The following GATA6 variants were observed in gnomAD, a reference collection of about 807,000 sequenced individuals.
GATA6 encodes transcription factor GATA-6.
A neutral mutation model predicts 48.1 loss-of-function variants in GATA6; 11 were observed. The ratio of observed to expected loss-of-function variants is 0.23; its 90% CI spans 0.14 to 0.38. The LOEUF is 0.38. GATA6 is among the 10% of genes least tolerant of loss of function. The probability of loss-of-function intolerance (pLI) is 1.00; values close to 1 mark genes in which losing one functional copy is unlikely to be tolerated. For synonymous variants in GATA6, 419 were observed against 396.1 expected (o/e 1.06, Z -0.69); for missense variants, 795 against 850.3 (o/e 0.93, Z 0.81).
At chr18:22,192,670 A>G (rs1442296912) in intron 6 of GATA6, among the ~76,000 whole-genome samples, 3 of 152,206 alleles carry the variant, frequency 2.0e-5, no homozygotes, top group African/African-American at 7.2e-5. Context: ...ATAATTCACC[A>G]GGTTTTAAAT....
Position 22,171,330 on chromosome 18 carries a change from G to C in GATA6, c.186G>C (p.Thr62=). 1.9e-6 allele frequency: 3 copies of C among 1,586,686 alleles called. No individual in the cohort carries two copies. Among genetic ancestry groups the C allele is most frequent in the Non-Finnish European group, 2.6e-6 (3 of 1,173,460 alleles). The change falls in exon 2 of 7, where the codon ACG becomes ACC. Residue 62 remains threonine (T), a synonymous_variant. Coordinates refer to ENST00000269216, the MANE Select transcript of GATA6 (RefSeq NM_005257.6). This position sits in a 1 kb window ranked among gnomAD's most constrained non-coding sequence, Gnocchi z 7.1. ...RGPGGASNCG[T]PQLDTEAAAG... is the part of the protein sequence containing the mutation. Reference sequence around the variant, plus strand: ...CCGGCGGCGCCAGCAACTGCGGGACGCCTCAGCTCGACACGGAGGCGGCGG... The same window carrying C: ...CCGGCGGCGCCAGCAACTGCGGGACCCCTCAGCTCGACACGGAGGCGGCGG...
At chr18:22,176,740 C>G in intron 2 of GATA6, 2 of 547,154 alleles carry the variant, frequency 3.7e-6, no homozygotes, top group Non-Finnish European at 6.3e-6. Flanking sequence ...CTGGGGCGCT[C>G]CGGGTGTGCA....
Position 22,172,117 on chromosome 18 carries a change from C to T in GATA6, c.973C>T (p.His325Tyr). 6.7e-7 allele frequency: 1 copy of T among 1,490,172 alleles called. No homozygotes were observed. The highest frequency in any genetic ancestry group is 1.3e-5 in the South Asian group (1 of 78,076). The allele number at this position is 1,490,172 out of a possible 1,614,324, so 92.3% of individuals were successfully genotyped here. A position where few individuals can be genotyped will look rare whatever the true frequency, so the allele number is the denominator to read the frequency against. Residue 325 changes from histidine (H) to tyrosine (Y), a missense_variant, in exon 2 of 7, where the codon CAC becomes TAC. By Grantham distance (83) the His-to-Tyr change is moderately conservative. Around this residue, in one of 5 missense-constraint regions of GATA6, gnomAD observed 591 missense variants for 570.0 expected, o/e 1.04. Transcript: ENST00000269216. The surrounding 1 kb of genome is among the most constrained non-coding windows in gnomAD (Gnocchi z 5.2). Reference protein sequence around the residue: ...AARPLNGTYHHHHHHHHHHPS... With the variant: ...AARPLNGTYHYHHHHHHHHPS... The stretch of plus-strand genomic sequence containing the variant: ...GCGGCCGCTGAACGGGACGTACCAC[C>T]ACCACCACCACCACCACCACCACCA...
At chr18:22,193,866 G>A (rs1390199859) in intron 6 of GATA6, among the ~76,000 whole-genome samples, 1 of 152,084 alleles carries the variant, frequency 6.6e-6, no homozygotes, top group Non-Finnish European at 1.5e-5. Flanking sequence ...TTTTTCTTTG[G>A]AAAAGGCTAC....
chr18:22,176,680 G>A, intron 2 of GATA6: 1 of 389,048 alleles, frequency 2.6e-6, no homozygotes, highest in South Asian at 2.9e-5. Flanking sequence ...CGCTCATCTC[G>A]GACTCTGACG....
chr18:22,178,340 C>A (rs1024669140), intron 3 of GATA6, among the ~76,000 whole-genome samples: 1 of 152,030 alleles, frequency 6.6e-6, no homozygotes, highest in African/African-American at 2.4e-5. Flanking sequence ...GCTTCCTAGC[C>A]GGAGAGAGTA....
chr18:22,198,341 G>T (rs2033417594), intron 6 of GATA6, among the ~76,000 whole-genome samples: 1 of 152,162 alleles, frequency 6.6e-6, no homozygotes, highest in African/African-American at 2.4e-5. Flanking sequence ...AAAGTGTTGG[G>T]ATTAAAGGCA....
chr18:22,202,159 T>C lies in GATA6; in HGVS notation c.*1336T>C, dbSNP rs1349811646. On this transcript the variant is annotated 3_prime_UTR_variant, in exon 7 of 7. Coordinates refer to ENST00000269216, the MANE Select transcript of GATA6 (RefSeq NM_005257.6). The stretch of plus-strand genomic sequence containing the variant: ...CCTTGGCTTATTTGAAGTTGACACA[T>C]GGGGTTAGTTACTACTCTCCATGTG... The C allele has an allele frequency of 3.3e-5, 5 of 152,076 alleles. No individual in the cohort carries two copies. The highest frequency in any genetic ancestry group is 1.2e-4 in the African/African-American group (5 of 41,434). 9.4% of individuals were successfully genotyped at this position (152,076 alleles called of 1,614,324 possible). A position where few individuals can be genotyped will look rare whatever the true frequency, so the allele number is the denominator to read the frequency against.
chr18:22,191,072 T>A (rs943511122), intron 6 of GATA6, among the ~76,000 whole-genome samples: 16 of 133,438 alleles, frequency 1.2e-4, no homozygotes, highest in Admixed American at 2.3e-4. Flanking sequence ...TGTGTGTGTG[T>A]GACAGGGAGG....
chr18:22,172,063 G>C lies in GATA6; in HGVS notation c.919G>C (p.Glu307Gln). The C allele has an allele frequency of 1.6e-6, 2 of 1,277,326 alleles. No homozygotes were observed. Among genetic ancestry groups the C allele is most frequent in the Non-Finnish European group, 2.0e-6 (2 of 1,015,144 alleles). The allele number at this position is 1,277,326 out of a possible 1,614,324, so 79.1% of individuals were successfully genotyped here. Residue 307 changes from glutamate (E) to glutamine (Q), a missense_variant, in exon 2 of 7, where the codon GAG becomes CAG. Glu to Gln is a conservative substitution (Grantham distance 29, BLOSUM62 2). This residue lies in a region of GATA6 where 591 missense variants were observed against 570.0 expected (regional missense o/e 1.04). Coordinates refer to ENST00000269216, the MANE Select transcript of GATA6 (RefSeq NM_005257.6). This position sits in a 1 kb window ranked among gnomAD's most constrained non-coding sequence, Gnocchi z 5.2. ...GSSLAAMGGR[E>Q]PQYSSLSAAR... is the part of the protein sequence containing the mutation. ...TAGCCTGGCGGCCATGGGCGGCCGC[G>C]AGCCCCAGTACAGCTCGCTGTCGGC...
At chr18:22,187,887 A>G (rs2033282938) in intron 6 of GATA6, among the ~76,000 whole-genome samples, 1 of 152,188 alleles carries the variant, frequency 6.6e-6, no homozygotes. Context: ...ATGTCTGAGA[A>G]CAAGGAGTCA....
intron 4 of GATA6, 64 bp from the exon 5 acceptor site, chr18:22,182,693 T>C: frequency 8.6e-7 from 1 of 1,166,664 alleles, no homozygotes; most frequent in Non-Finnish European, 1.3e-6. Context: ...TTAGTGCCAA[T>C]GTTGGGTCTT....
At chr18:22,197,735 G>T (rs980862476) in intron 6 of GATA6, among the ~76,000 whole-genome samples, 1 of 152,172 alleles carries the variant, frequency 6.6e-6, no homozygotes, top group African/African-American at 2.4e-5. Flanking sequence ...GGCTCAGGGG[G>T]GACTGCACTC....
At chr18:22,180,721 A>G (rs1361998028) in intron 3 of GATA6, among the ~76,000 whole-genome samples, 1 of 150,426 alleles carries the variant, frequency 6.6e-6, no homozygotes, top group Non-Finnish European at 1.5e-5. Flanking sequence ...TCTGAAAGCC[A>G]TTTCTAATAA....
At chr18:22,186,519 A>T (rs940464889) in intron 6 of GATA6, among the ~76,000 whole-genome samples, 1 of 152,148 alleles carries the variant, frequency 6.6e-6, no homozygotes. Flanking sequence ...CAGGGTTCTG[A>T]CCTGCCTTTC....
chr18:22,184,173 G>T (rs2033233173), intron 6 of GATA6, among the ~76,000 whole-genome samples: 1 of 152,034 alleles, frequency 6.6e-6, no homozygotes, highest in African/African-American at 2.4e-5. Flanking sequence ...ATTTTTACTG[G>T]CTTTAACAAA....
At chr18:22,184,490 TTAA>T (rs1470727691) in intron 6 of GATA6, among the ~76,000 whole-genome samples, 4 of 152,064 alleles carry the variant, frequency 2.6e-5, no homozygotes, top group Admixed American at 6.6e-5. Flanking sequence ...AAAAGATTAT[TTAA>T]TAATAATTAT....
chr18:22,171,643 G>A lies in GATA6; in HGVS notation c.499G>A (p.Gly167Ser). 1 of 1,588,298 alleles carries A rather than the reference G, an allele frequency of 6.3e-7. No individual in the cohort carries two copies. Among genetic ancestry groups the A allele is most frequent in the South Asian group, 1.1e-5 (1 of 89,344 alleles). Reference protein sequence around the residue: ...QGPAAYDGAPGGFVHSAAAAA... With the variant: ...QGPAAYDGAPSGFVHSAAAAA... The stretch of plus-strand genomic sequence containing the variant: ...TCCGGCCGCCTACGACGGCGCGCCC[G>A]GCGGCTTCGTGCACTCTGCGGCCGC... The change falls in exon 2 of 7, where the codon GGC (glycine) becomes AGC (serine). Residue 167 changes from glycine to serine, a missense_variant. By Grantham distance (56) the Gly-to-Ser change is moderately conservative. Transcript: ENST00000269216. The surrounding 1 kb of genome is among the most constrained non-coding windows in gnomAD (Gnocchi z 7.1).
intron 6 of GATA6, among the ~76,000 whole-genome samples, chr18:22,192,825 T>C (rs1437732934): frequency 1.3e-5 from 2 of 152,258 alleles, no homozygotes; most frequent in Non-Finnish European, 2.9e-5. Context: ...TTTATATTTG[T>C]ACATGAGTAT....
Sources: gnomAD v4.1 joint callset for allele counts (sites outside exome capture counted in the v4.1 genomes callset) on GRCh38, gnomAD v4.1.1 for gene constraint, gnomAD v4.1.1 regional missense constraint, Gnocchi (gnomAD v3.1) non-coding constraint, MANE v1.5 for transcripts, NCBI Gene and HGNC (gene_info 2026-07-23, HGNC 2026-07-21) for gene names.